The following NFIB variants were observed in gnomAD, a reference collection of about 807,000 sequenced individuals.
The protein encoded by NFIB is nuclear factor 1 B-type.
NFIB carries 11 observed loss-of-function variants against 61.5 expected under a neutral mutation model. The observed-to-expected ratio is 0.18, with a 90% CI of 0.11 to 0.30. The LOEUF is 0.30. Ranked by LOEUF, NFIB falls within the 10% of genes least tolerant of loss-of-function variation. The pLI, the probability that NFIB is intolerant of heterozygous loss-of-function variation, is 1.00. For synonymous variants in NFIB, 260 were observed against 216.5 expected (o/e 1.20, Z -1.76); for missense variants, 471 against 608.9 (o/e 0.77, Z 2.38).
intron 6 of NFIB, among the ~76,000 whole-genome samples, chr9:14,128,477 C>T (rs963897200): frequency 3.3e-5 from 5 of 151,986 alleles, no homozygotes; most frequent in Admixed American, 6.6e-5. Context: ...GCGGGTGGAT[C>T]GCCTGAGGTG....
At chr9:14,329,527 T>C (rs2060795522) in intron 1 of NFIB, among the ~76,000 whole-genome samples, 1 of 152,038 alleles carries the variant, frequency 6.6e-6, no homozygotes, top group Admixed American at 6.5e-5. Context: ...TCTTTTTTTC[T>C]TTTTTAAGAC....
At chr9:14,471,966 T>A in the NFIB span, among the ~76,000 whole-genome samples, 1 of 152,236 alleles carries the variant, frequency 6.6e-6, no homozygotes, top group East Asian at 1.9e-4. Flanking sequence ...TCTGCCTCCA[T>A]CTCCGACCTG....
chr9:14,397,060 G>T (rs1179843060), intron 1 of NFIB, among the ~76,000 whole-genome samples: 1 of 152,132 alleles, frequency 6.6e-6, no homozygotes, highest in Middle Eastern at 3.2e-3. Context: ...AGTTGAAATT[G>T]ATTTCTTTAT....
the NFIB span, among the ~76,000 whole-genome samples, chr9:14,488,142 T>A: frequency 4.6e-5 from 7 of 152,004 alleles, no homozygotes; most frequent in Non-Finnish European, 1.0e-4. Context: ...CTTGGGAGGA[T>A]TGCTTGAGTC....
At chr9:14,406,678 GC>G in the NFIB span, among the ~76,000 whole-genome samples, 56 of 152,252 alleles carry the variant, frequency 3.7e-4, no homozygotes, top group Middle Eastern at 3.4e-3. Flanking sequence ...ACTAATTTCT[GC>G]CCAATGAAAT....
At chr9:14,530,604 C>G in the NFIB span, among the ~76,000 whole-genome samples, 3 of 152,206 alleles carry the variant, frequency 2.0e-5, no homozygotes, top group East Asian at 3.9e-4. Context: ...TGAGCTTTCA[C>G]GAGACGCCTA....
intron 1 of NFIB, among the ~76,000 whole-genome samples, chr9:14,323,340 C>A (rs1026138016): frequency 7.2e-5 from 11 of 152,080 alleles, no homozygotes; most frequent in Non-Finnish European, 1.5e-4. Flanking sequence ...CAGTTTTGAT[C>A]AGCATTTTGG....
In NFIB at chr9:14,181,137, T is replaced by C. The variant is rs533153186; in HGVS notation, c.563-1357A>G. On this transcript the variant is annotated intron_variant, in intron 2 of 10. Transcript: ENST00000380953. ...AATGCAAGAACATCCTGTTAGTTTCTTCTCATATAAAACCTGGTTATTTAT... is the reference window on the plus strand; with the variant it reads ...AATGCAAGAACATCCTGTTAGTTTCCTCTCATATAAAACCTGGTTATTTAT... 4.6e-5 allele frequency among the ~76,000 whole-genome samples: 7 copies of C among 152,354 alleles called. No homozygotes were observed. In the South Asian group the frequency reaches 1.4e-3, roughly 32 times the overall value.
the NFIB span, among the ~76,000 whole-genome samples, chr9:14,455,053 G>T: frequency 3.9e-5 from 6 of 152,280 alleles, no homozygotes; most frequent in East Asian, 1.2e-3. Flanking sequence ...GGGGTTATTT[G>T]TTACTGCTGC....
At chr9:14,454,578 A>T in the NFIB span, among the ~76,000 whole-genome samples, 1 of 152,092 alleles carries the variant, frequency 6.6e-6, no homozygotes, top group African/African-American at 2.4e-5. Context: ...TAGTCCTTTG[A>T]AGCATTTGTC....
chr9:14,412,598 G>T, the NFIB span, among the ~76,000 whole-genome samples: 1 of 152,120 alleles, frequency 6.6e-6, no homozygotes, highest in African/African-American at 2.4e-5. Flanking sequence ...TCGGTTGTAG[G>T]GCTTCCAGAA....
intron 10 of NFIB, among the ~76,000 whole-genome samples, chr9:14,089,329 A>G (rs1448586266): frequency 6.6e-6 from 1 of 150,794 alleles, no homozygotes; most frequent in African/African-American, 2.4e-5. Flanking sequence ...TACTCTCATC[A>G]GTTCAACTTT....
At chr9:14,284,803 G>A (rs2058604362) in intron 2 of NFIB, among the ~76,000 whole-genome samples, 1 of 152,176 alleles carries the variant, frequency 6.6e-6, no homozygotes, top group Non-Finnish European at 1.5e-5. Context: ...GAGTGGGATA[G>A]GGAAGATCTT....
At position 14,354,836 on chromosome 9, in the gene NFIB, G is replaced by C. The variant is rs887138177; in HGVS notation, c.108+43688C>G. On this transcript the variant is annotated intron_variant, in intron 1 of 8. Transcript: ENST00000380934. ...TGTGTGTAGAAATGGATTGTCCCGT[G>C]AAGGATCACTTGAACAGCAACCTTA... Among the ~76,000 whole-genome samples the C allele has an allele frequency of 2.0e-5, 3 of 150,500 alleles. No individual in the cohort carries two copies. In the East Asian group the frequency reaches 5.8e-4, roughly 29 times the overall value.
the NFIB span, among the ~76,000 whole-genome samples, chr9:14,470,953 G>A: frequency 1.3e-5 from 2 of 152,202 alleles, no homozygotes; most frequent in African/African-American, 4.8e-5. Context: ...CAGAAATGAT[G>A]AGGCAGGGTG....
chr9:14,480,090 G>A, the NFIB span, among the ~76,000 whole-genome samples: 3 of 151,898 alleles, frequency 2.0e-5, no homozygotes, highest in African/African-American at 7.3e-5. Context: ...AAAGGTGTAG[G>A]GAGGGAACTA....
At chr9:14,460,712 T>C in the NFIB span, among the ~76,000 whole-genome samples, 5 of 152,160 alleles carry the variant, frequency 3.3e-5, no homozygotes, top group Non-Finnish European at 5.9e-5. Context: ...ATTTCCTACA[T>C]TGAAATTAGA....
chr9:14,115,630 G>T (rs2119077365), intron 9 of NFIB, among the ~76,000 whole-genome samples: 1 of 152,140 alleles, frequency 6.6e-6, no homozygotes, highest in African/African-American at 2.4e-5. Flanking sequence ...TAAAAAAAAA[G>T]CTTGCAGATA....
rs2038849063 is a variant in NFIB, at chr9:14,120,949, T to C, written c.1061-325A>G. On this transcript the variant is annotated intron_variant, in intron 7 of 10. Coordinates refer to ENST00000380953, the MANE Select transcript of NFIB (RefSeq NM_001190737.2). This position sits in a 1 kb window ranked among gnomAD's most constrained non-coding sequence, Gnocchi z 4.4. ...TTCTTTGAGCAAAGATATATCCCGTTGAAAACATATTCTTTGATTATAAAA... is the reference window on the plus strand; with the variant it reads ...TTCTTTGAGCAAAGATATATCCCGTCGAAAACATATTCTTTGATTATAAAA... Among the ~76,000 whole-genome samples, 1 of 152,178 alleles carries C rather than the reference T, an allele frequency of 6.6e-6. No individual in the cohort carries two copies. The highest frequency in any genetic ancestry group is 1.5e-5 in the Non-Finnish European group (1 of 68,024).
Sources: allele counts gnomAD v4.1 joint callset (sites outside exome capture counted in the v4.1 genomes callset), GRCh38; gene constraint gnomAD v4.1.1; non-coding constraint Gnocchi (gnomAD v3.1); transcripts MANE v1.5; gene names NCBI Gene and HGNC (gene_info 2026-07-23, HGNC 2026-07-21).